AUTS2: variants seen among roughly 807,000 people sequenced by gnomAD.
AUTS2 encodes the protein autism susceptibility gene 2 protein.
Under a neutral mutation model 112.4 loss-of-function variants are expected in AUTS2, and 17 were observed. That is an observed-to-expected ratio of 0.15 (90% CI 0.10 to 0.23). AUTS2 has a LOEUF of 0.23. AUTS2 is among the 10% of genes least tolerant of loss of function. The pLI is 1.00. For synonymous variants in AUTS2, 751 were observed against 702.7 expected, an observed-to-expected ratio of 1.07 and a Z score of -1.09; for missense variants, 1,510 against 1,701.6, an observed-to-expected ratio of 0.89 and a Z score of 1.98.
chr7:70,527,382 C>T (rs753049433), intron 5 of AUTS2, among the ~76,000 whole-genome samples: 1 of 152,142 alleles, frequency 6.6e-6, no homozygotes, highest in Non-Finnish European at 1.5e-5. Flanking sequence ...TGCCCATCTT[C>T]TCAGTATTTC....
intron 5 of AUTS2, among the ~76,000 whole-genome samples, chr7:70,524,188 T>G (rs918836634): frequency 6.6e-6 from 1 of 152,026 alleles, no homozygotes; most frequent in African/African-American, 2.4e-5. Flanking sequence ...TTGTGTTAGG[T>G]AGAGAGAAAA....
chr7:70,401,909 A>T (rs915085179), intron 4 of AUTS2, among the ~76,000 whole-genome samples: 1 of 152,222 alleles, frequency 6.6e-6, no homozygotes, highest in Admixed American at 6.5e-5. Flanking sequence ...TACAAAATCC[A>T]GTGTCTTTTG....
At chr7:70,781,791 G>C in intron 15 of AUTS2, 35 bp downstream of exon 15, 5 of 1,605,044 alleles carry the variant, frequency 3.1e-6, no homozygotes, top group Non-Finnish European at 4.3e-6. Context: ...ACAGAGCTGA[G>C]AAATGTAGTT....
intron 18 of AUTS2, among the ~76,000 whole-genome samples, chr7:70,787,644 A>AT (rs1791599675): frequency 6.6e-6 from 1 of 152,126 alleles, no homozygotes; most frequent in African/African-American, 2.4e-5. Context: ...CTAGCGACAG[A>AT]TTCCTGTCTC....
chr7:70,613,274 T>C (rs2129534344), intron 5 of AUTS2, among the ~76,000 whole-genome samples: 1 of 151,970 alleles, frequency 6.6e-6, no homozygotes, highest in South Asian at 2.1e-4. Context: ...TGTGTATTTT[T>C]TGCCTTAAAA....
At chr7:70,366,316 C>T (rs62455209) in intron 4 of AUTS2, among the ~76,000 whole-genome samples, 3 of 151,874 alleles carry the variant, frequency 2.0e-5, no homozygotes, top group Non-Finnish European at 4.4e-5. Flanking sequence ...CAAAGAAGGA[C>T]GTAGCTAAAG....
In AUTS2 at chr7:70,790,952, G is replaced by A. The variant is rs1475126112; in HGVS notation, c.3736G>A (p.Glu1246Lys). 11 of 1,514,398 alleles carry A rather than the reference G, an allele frequency of 7.3e-6. No homozygotes were observed. Among genetic ancestry groups the A allele is most frequent in the Non-Finnish European group, 9.7e-6 (11 of 1,131,602 alleles). The allele number at this position is 1,514,398 out of a possible 1,614,324, so 93.8% of individuals were successfully genotyped here. A position where few individuals can be genotyped will look rare whatever the true frequency, so the allele number is the denominator to read the frequency against. The stretch of plus-strand genomic sequence containing the variant: ...GACTCCTCTGTCCGCAGAGATAAGG[G>A]AGAGGCCCCCTTCCCACACGCTGAA... The part of the protein sequence containing the change: ...RTTPLSAEIR[E>K]RPPSHTLKDI... The change falls in exon 19 of 19, where the codon GAG (glutamate) becomes AAG (lysine). Residue 1246 changes from glutamate to lysine, a missense_variant. Transcript: ENST00000342771. This position sits in a 1 kb window ranked among gnomAD's most constrained non-coding sequence, Gnocchi z 7.6.
intron 1 of AUTS2, 104 bp downstream of exon 1, chr7:69,600,066 C>G: frequency 8.5e-7 from 1 of 1,171,146 alleles, no homozygotes; most frequent in Non-Finnish European, 1.2e-6. Flanking sequence ...GTCTGTCTGT[C>G]TGTCTGTCTG....
intron 1 of AUTS2, among the ~76,000 whole-genome samples, chr7:69,846,093 T>C (rs1248881937): frequency 7.4e-6 from 1 of 135,588 alleles, no homozygotes; most frequent in Non-Finnish European, 1.6e-5. Flanking sequence ...TCAAGTTTAT[T>C]TGGGATTTTT....
chr7:69,886,763 TTGTG>T (rs3220664), intron 1 of AUTS2, among the ~76,000 whole-genome samples: 11,011 of 129,748 alleles, frequency 0.085, 425 homozygotes, highest in African/African-American at 0.11. Flanking sequence ...TTTGACTTCT[TTGTG>T]TGTGTGTGTG....
At chr7:69,876,442 A>G (rs1246593799) in intron 1 of AUTS2, among the ~76,000 whole-genome samples, 1 of 114,604 alleles carries the variant, frequency 8.7e-6, no homozygotes, top group Non-Finnish European at 1.7e-5. Context: ...ATATTTTGAG[A>G]TATATATAAA....
At chr7:69,787,212 G>A (rs530243399) in intron 1 of AUTS2, among the ~76,000 whole-genome samples, 1 of 152,188 alleles carries the variant, frequency 6.6e-6, no homozygotes. Flanking sequence ...CATGCACTCT[G>A]ATGACCAGAC....
intron 2 of AUTS2, among the ~76,000 whole-genome samples, chr7:70,002,759 T>C (rs901705776): frequency 2.6e-5 from 4 of 152,058 alleles, no homozygotes; most frequent in Admixed American, 6.6e-5. Context: ...TACTTTGTAT[T>C]TGGGGAAGAG....
intron 1 of AUTS2, among the ~76,000 whole-genome samples, chr7:69,865,260 G>A (rs1330834288): frequency 1.3e-5 from 2 of 152,110 alleles, no homozygotes; most frequent in African/African-American, 4.8e-5. Flanking sequence ...ATATTGGTTT[G>A]TCTGGTCTTT....
intron 4 of AUTS2, among the ~76,000 whole-genome samples, chr7:70,260,607 T>C (rs1405190607): frequency 6.6e-6 from 1 of 151,934 alleles, no homozygotes; most frequent in African/African-American, 2.4e-5. Flanking sequence ...CTCTCAATAT[T>C]GCTGCATTGG....
chr7:70,095,446 ACT>A (rs568641026), intron 2 of AUTS2, among the ~76,000 whole-genome samples: 39 of 152,218 alleles, frequency 2.6e-4, no homozygotes, highest in Admixed American at 2.2e-3. Flanking sequence ...GGAGAGGCTA[ACT>A]CTTGTTATTT....
chr7:69,651,481 G>A (rs189832839), intron 1 of AUTS2, among the ~76,000 whole-genome samples: 1 of 152,204 alleles, frequency 6.6e-6, no homozygotes, highest in Admixed American at 6.5e-5. Context: ...AAAGCTGGAC[G>A]CACTTGTTAA....
At chr7:69,668,970 G>T (rs772418394) in intron 1 of AUTS2, among the ~76,000 whole-genome samples, 4 of 152,128 alleles carry the variant, frequency 2.6e-5, no homozygotes, top group African/African-American at 4.8e-5. Context: ...TGTGGTTGGG[G>T]TGAGGGAGAT....
chr7:69,837,951 G>A (rs1222344438), intron 1 of AUTS2, among the ~76,000 whole-genome samples: 1 of 152,158 alleles, frequency 6.6e-6, no homozygotes, highest in African/African-American at 2.4e-5. Context: ...TGCAGCTAAG[G>A]CTCTGGACTA....
Sources: allele counts gnomAD v4.1 joint callset (sites outside exome capture counted in the v4.1 genomes callset), GRCh38; gene constraint gnomAD v4.1.1; non-coding constraint Gnocchi (gnomAD v3.1); transcripts MANE v1.5; gene names NCBI Gene and HGNC (gene_info 2026-07-23, HGNC 2026-07-21).